The following KLF8 variants were observed in gnomAD, a reference collection of about 807,000 sequenced individuals.
KLF8 encodes the protein Krueppel-like factor 8.
A neutral mutation model predicts 18.2 loss-of-function variants in KLF8; 10 were observed. That is an observed-to-expected ratio of 0.55 (90% confidence interval 0.34 to 0.93). The LOEUF is 0.93. KLF8 is among the 40% of genes least tolerant of loss of function. The pLI is 0.02. For missense variants in KLF8, 264 were observed against 277.9 expected, an observed-to-expected ratio of 0.95 and a Z score of 0.36; for synonymous variants, 109 against 97.3, an observed-to-expected ratio of 1.12 and a Z score of -0.71.
chrX:56,197,031 G>C, the KLF8 span, among the ~76,000 whole-genome samples: 2 of 111,875 alleles, frequency 1.8e-5, no homozygotes, highest in African/African-American at 6.5e-5. Context: ...AAATAGAGAT[G>C]TTCTTTGAAA....
At chrX:55,963,008 C>G in the KLF8 span, among the ~76,000 whole-genome samples, 1 of 112,086 alleles carries the variant, frequency 8.9e-6, no homozygotes, top group Non-Finnish European at 1.9e-5. Context: ...GCTGACATTA[C>G]AGCAAGGAAA....
chrX:56,100,160 G>GATTCTTAAT, the KLF8 span, among the ~76,000 whole-genome samples: 2 of 111,015 alleles, frequency 1.8e-5, no homozygotes, highest in Non-Finnish European at 3.8e-5. Flanking sequence ...GAGAACCCAA[G>GATTCTTAAT]GGCTCTTAAG....
At chrX:56,250,110 A>G (rs2066683639) in intron 1 of KLF8, 121 bp from the exon 2 acceptor site, 2 of 477,733 alleles carry the variant, frequency 4.2e-6, no homozygotes, top group Admixed American at 4.0e-5. Flanking sequence ...ATGACTTATC[A>G]GTATCTGGTA....
intron 3 of KLF8, chrX:56,266,071 AT>A: frequency 2.5e-6 from 2 of 803,710 alleles, no homozygotes; most frequent in Non-Finnish European, 3.0e-6. Context: ...AAAATGCAAA[AT>A]TTAAAAACCT....
the KLF8 span, among the ~76,000 whole-genome samples, chrX:56,024,211 CTTT>C: frequency 2.1e-5 from 2 of 94,308 alleles, no homozygotes; most frequent in Non-Finnish European, 2.1e-5. Flanking sequence ...TTTTTAATTT[CTTT>C]TTTTTTTTTT....
chrX:55,983,296 C>T, the KLF8 span, among the ~76,000 whole-genome samples: 1 of 110,765 alleles, frequency 9.0e-6, no homozygotes, highest in Non-Finnish European at 1.9e-5. Flanking sequence ...ATTAAATATG[C>T]TCAGTTTTCT....
the KLF8 span, among the ~76,000 whole-genome samples, chrX:56,143,340 G>C: frequency 1.8e-5 from 2 of 112,041 alleles, no homozygotes; most frequent in African/African-American, 6.5e-5. Context: ...TAAAATAGCA[G>C]CCCCTAATCA....
chrX:56,265,134 G>T, intron 2 of KLF8, 46 bp from the exon 3 acceptor site: 1 of 1,135,924 alleles, frequency 8.8e-7, no homozygotes, highest in Non-Finnish European at 1.2e-6. Flanking sequence ...TCTCTTCAGG[G>T]TACTAACACT....
the KLF8 span, among the ~76,000 whole-genome samples, chrX:56,194,405 G>A: frequency 8.9e-6 from 1 of 112,245 alleles, no homozygotes; most frequent in Non-Finnish European, 1.9e-5. Flanking sequence ...CAGACAAGGA[G>A]ATTCCTGTGC....
the KLF8 span, among the ~76,000 whole-genome samples, chrX:56,210,402 G>C: frequency 9.5e-4 from 106 of 111,880 alleles, no homozygotes; most frequent in African/African-American, 3.4e-3. Context: ...AAAGTCTTCT[G>C]CCAGAGGAAT....
chrX:56,044,987 C>A, the KLF8 span, among the ~76,000 whole-genome samples: 1 of 112,330 alleles, frequency 8.9e-6, no homozygotes, highest in Non-Finnish European at 1.9e-5. Flanking sequence ...AAGCCAATGT[C>A]TAGAAGGGGT....
At chrX:56,005,763 G>A in the KLF8 span, among the ~76,000 whole-genome samples, 4 of 112,220 alleles carry the variant, frequency 3.6e-5, no homozygotes, top group African/African-American at 9.7e-5. Context: ...AAGTTGGTGG[G>A]TGGCTGTGGG....
chrX:56,144,732 G>C, the KLF8 span, among the ~76,000 whole-genome samples: 3 of 98,522 alleles, frequency 3.0e-5, no homozygotes, highest in Non-Finnish European at 6.1e-5. Flanking sequence ...CAGCCTGGGT[G>C]ACACAGCAAG....
the KLF8 span, among the ~76,000 whole-genome samples, chrX:55,989,950 G>C: frequency 0.011 from 1,208 of 111,659 alleles, 8 homozygotes; most frequent in African/African-American, 0.038. Context: ...ATGTGTCAAG[G>C]AATTTACCCA....
chrX:56,185,066 A>C, the KLF8 span, among the ~76,000 whole-genome samples: 1 of 112,721 alleles, frequency 8.9e-6, no homozygotes, highest in African/African-American at 3.2e-5. Context: ...TCAGACAATC[A>C]AACTACTCTG....
At chrX:56,080,338 G>T in the KLF8 span, among the ~76,000 whole-genome samples, 3 of 111,184 alleles carry the variant, frequency 2.7e-5, no homozygotes, top group East Asian at 2.8e-4. Flanking sequence ...TTGCAAGGCA[G>T]ACCTGGTGGT....
chrX:56,197,482 A>T, the KLF8 span, among the ~76,000 whole-genome samples: 1 of 112,092 alleles, frequency 8.9e-6, no homozygotes, highest in Non-Finnish European at 1.9e-5. Flanking sequence ...AAACTAGAAA[A>T]TCTAGAAGAA....
the KLF8 span, among the ~76,000 whole-genome samples, chrX:56,148,054 T>G: frequency 2.7e-5 from 3 of 112,099 alleles, no homozygotes; most frequent in South Asian, 1.1e-3. Context: ...AATTATACAC[T>G]TTTAAGTAGT....
rs1455896923 is a variant in KLF8, at chrX:56,269,583, C to A, written c.758+94C>A. On this transcript the variant is annotated intron_variant, in intron 4 of 5. Transcript: ENST00000468660. ...CATATGTATAGGTGGAACTAATGAT[C>A]AGACACAAGAGTAAGAATTTGAGGA... The A allele has an allele frequency of 3.8e-6, 4 of 1,039,220 alleles. No homozygotes were observed. The East Asian group carries it at 1.4e-4, about 38-fold the overall frequency. The allele number at this position is 1,039,220 out of a possible 1,213,427, so 85.6% of individuals were successfully genotyped here.
Sources: gnomAD v4.1 joint callset for allele counts (sites outside exome capture counted in the v4.1 genomes callset) on GRCh38, gnomAD v4.1.1 for gene constraint, MANE v1.5 for transcripts, NCBI Gene and HGNC (gene_info 2026-07-23, HGNC 2026-07-21) for gene names.